Variants in SGSM2 observed in about 807,000 individuals in gnomAD.
SGSM2 encodes small G protein signaling modulator 2.
Under a neutral mutation model 126.6 loss-of-function variants are expected in SGSM2, and 89 were observed. The observed-to-expected ratio is 0.70, with a 90% confidence interval of 0.59 to 0.84. SGSM2 has a LOEUF of 0.84. Among genes scored for constraint, SGSM2 ranks in the 40% least tolerant of loss-of-function variants. The pLI, the probability that SGSM2 is intolerant of heterozygous loss-of-function variation, is 0.00. For missense variants in SGSM2, 1,404 were observed against 1,416.6 expected, an observed-to-expected ratio of 0.99 and a Z score of 0.14; for synonymous variants, 614 against 574.3, an observed-to-expected ratio of 1.07 and a Z score of -0.99.
At chr17:2,358,876 T>G (rs12943056) in intron 2 of SGSM2, among the ~76,000 whole-genome samples, 273 of 87,732 alleles carry the variant, frequency 3.1e-3, no homozygotes, top group African/African-American at 9.6e-3. Flanking sequence ...TGTTGTTGTT[T>G]TTTTTTTTTT....
rs1453821704 is a variant in SGSM2, at chr17:2,379,081, C to T, written c.2945C>T (p.Ala982Val). 1 of 1,614,236 alleles carries T rather than the reference C, an allele frequency of 6.2e-7. No homozygotes were observed. Among genetic ancestry groups the T allele is most frequent in the South Asian group, 1.1e-5 (1 of 91,090 alleles). ...DVFAVWEVIW[A>V]ARHISSEHFV... ...TTTGCTGTGTGGGAGGTGATCTGGG[C>T]AGCCAGGCACATCTCATCGGAGCAC... The change falls in exon 23 of 24, where the codon GCA (alanine) becomes GTA (valine). Residue 982 changes from alanine to valine, a missense_variant. Ala to Val is a moderately conservative substitution (Grantham distance 64, BLOSUM62 0). Coordinates refer to ENST00000268989, the MANE Select transcript of SGSM2 (RefSeq NM_014853.3).
rs2064141669 is a variant in SGSM2, at chr17:2,337,754, G to T, written c.57+9G>T. 6.5e-7 allele frequency: 1 copy of T among 1,527,722 alleles called. No homozygotes were observed. The allele number at this position is 1,527,722 out of a possible 1,614,324, so 94.6% of individuals were successfully genotyped here. ...GGAACGTGAAGAAGGAGGTAAAGTC[G>T]AGTCAAGAACCCCGGGGGGCTCGCG... is the stretch of plus-strand genomic sequence containing the variant. On this transcript the variant is annotated intron_variant, in intron 1 of 23. Coordinates refer to ENST00000268989, the MANE Select transcript of SGSM2 (RefSeq NM_014853.3). The surrounding 1 kb of genome is among the most constrained non-coding windows in gnomAD (Gnocchi z 5.1).
intron 17 of SGSM2, chr17:2,374,232 TAC>T (rs1292954776): frequency 6.6e-6 from 1 of 152,268 alleles, no homozygotes; most frequent in Non-Finnish European, 1.5e-5. Context: ...GTATTCTTGT[TAC>T]TTTACTAAAT....
chr17:2,343,305 G>C (rs917805150), intron 1 of SGSM2, among the ~76,000 whole-genome samples: 1 of 152,114 alleles, frequency 6.6e-6, no homozygotes, highest in Non-Finnish European at 1.5e-5. Context: ...ACCTGGGCTG[G>C]AACATGCACT....
intron 1 of SGSM2, among the ~76,000 whole-genome samples, chr17:2,338,429 AT>A (rs2064187019): frequency 6.6e-6 from 1 of 152,064 alleles, no homozygotes; most frequent in African/African-American, 2.4e-5. Flanking sequence ...CCAAAAGCCC[AT>A]TTCCATTTCG....
At chr17:2,371,928 T>C (rs902270621) in intron 13 of SGSM2, 5 of 521,726 alleles carry the variant, frequency 9.6e-6, no homozygotes, top group African/African-American at 7.8e-5. Context: ...ATTTTTCACA[T>C]GAGGAAACGA....
rs201010271 is a variant in SGSM2, at chr17:2,362,160, C to T, written c.348C>T (p.Ser116=). 267 of 1,613,702 alleles carry T rather than the reference C, an allele frequency of 1.7e-4. 1 individual carries two copies. Among genetic ancestry groups the T allele is most frequent in the Non-Finnish European group, 1.2e-4 (146 of 1,179,992 alleles). The change falls in exon 4 of 24, where the codon AGC becomes AGT. Residue 116 remains serine, a synonymous_variant. Coordinates refer to ENST00000268989, the MANE Select transcript of SGSM2 (RefSeq NM_014853.3). This position sits in a 1 kb window ranked among gnomAD's most constrained non-coding sequence, Gnocchi z 4.9. ...CCCTGCGGAGACAGGGCTCAGCCAGCGGGAAGGCCCCGGCCCTCAGCCCTC... is the reference window on the plus strand; with the variant it reads ...CCCTGCGGAGACAGGGCTCAGCCAGTGGGAAGGCCCCGGCCCTCAGCCCTC... The part of the protein sequence containing the change: ...QEALRRQGSA[S]GKAPALSPQA...
At chr17:2,345,145 T>G (rs1024434582) in intron 2 of SGSM2, among the ~76,000 whole-genome samples, 3 of 151,962 alleles carry the variant, frequency 2.0e-5, no homozygotes, top group Non-Finnish European at 2.9e-5. Flanking sequence ...CATGCCAGTA[T>G]TATGATAAGC....
chr17:2,378,545 A>G (rs947425507), intron 22 of SGSM2, among the ~76,000 whole-genome samples: 4 of 151,982 alleles, frequency 2.6e-5, no homozygotes, highest in African/African-American at 9.7e-5. Flanking sequence ...AAAAAAAAAG[A>G]AAAGAAAAGA....
chr17:2,368,154 A>G (rs1283850821), intron 12 of SGSM2, among the ~76,000 whole-genome samples: 2 of 151,938 alleles, frequency 1.3e-5, no homozygotes, highest in Admixed American at 1.3e-4. Context: ...TGCCCTCATG[A>G]GTCTCAGGGT....
Position 2,377,029 on chromosome 17 carries a change from C to T in SGSM2, c.2763C>T (p.Ala921=). 1 of 1,613,824 alleles carries T rather than the reference C, an allele frequency of 6.2e-7. No homozygotes were observed. The highest frequency in any genetic ancestry group is 8.5e-7 in the Non-Finnish European group (1 of 1,179,896). The change falls in exon 21 of 24, where the codon GCC becomes GCT. Residue 921 remains alanine (A), a synonymous_variant. Transcript: ENST00000268989. ...RMSQNFPNGG[A]MDTHFANMRS... is the part of the protein sequence containing the mutation. The stretch of plus-strand genomic sequence containing the variant: ...GCCAGAACTTCCCCAACGGGGGTGC[C>T]ATGGACACCCACTTTGCCAACATGC...
In SGSM2 at chr17:2,376,188, G is replaced by T; in HGVS notation, c.2536G>T (p.Val846Leu). The T allele has an allele frequency of 6.2e-7, 1 of 1,614,106 alleles. No homozygotes were observed. Among genetic ancestry groups the T allele is most frequent in the Non-Finnish European group, 8.5e-7 (1 of 1,180,020 alleles). The change falls in exon 19 of 24, where the codon GTG becomes TTG. Residue 846 changes from valine to leucine, a missense_variant. Coordinates refer to ENST00000268989, the MANE Select transcript of SGSM2 (RefSeq NM_014853.3). The part of the protein sequence containing the change: ...ALNLHRIDKD[V>L]QRCDRNYWYF... ...AAACCTGCACCGCATAGACAAGGATGTGCAGAGGTGTGACCGCAACTACTG... is the reference window on the plus strand; with the variant it reads ...AAACCTGCACCGCATAGACAAGGATTTGCAGAGGTGTGACCGCAACTACTG...
At chr17:2,379,005 C>T (rs756697256) in intron 22 of SGSM2, 31 bp from the exon 23 acceptor site, 42 of 1,602,212 alleles carry the variant, frequency 2.6e-5, no homozygotes, top group South Asian at 1.2e-4. Context: ...GCGGCTAGGA[C>T]GGGTGAGCAG....
In SGSM2 at chr17:2,380,165, C is replaced by T. The variant is rs1242161036; in HGVS notation, c.*645C>T. On this transcript the variant is annotated 3_prime_UTR_variant, in exon 24 of 24. Coordinates refer to ENST00000268989, the MANE Select transcript of SGSM2 (RefSeq NM_014853.3). Reference sequence around the variant, plus strand: ...CAGCAGCACTGCCACTGCCTTTGGCCACCTGAGGTGACCCCCAGGCCTCCC... The same window carrying T: ...CAGCAGCACTGCCACTGCCTTTGGCTACCTGAGGTGACCCCCAGGCCTCCC... 5 of 1,488,990 alleles carry T rather than the reference C, an allele frequency of 3.4e-6. No individual in the cohort carries two copies. Among genetic ancestry groups the T allele is most frequent in the Non-Finnish European group, 4.5e-6 (5 of 1,120,094 alleles). 92.2% of individuals were successfully genotyped at this position (1,488,990 alleles called of 1,614,324 possible).
Position 2,373,897 on chromosome 17 carries a change from G to A in SGSM2, c.2100+384G>A, listed in dbSNP as rs755118409. The A allele has an allele frequency of 6.2e-5, 12 of 193,160 alleles. No individual in the cohort carries two copies. In the South Asian group the frequency reaches 1.0e-3, roughly 17 times the overall value. 12.0% of individuals were successfully genotyped at this position (193,160 alleles called of 1,614,324 possible). On this transcript the variant is annotated intron_variant, in intron 17 of 23. Coordinates refer to ENST00000268989, the MANE Select transcript of SGSM2 (RefSeq NM_014853.3). The stretch of plus-strand genomic sequence containing the variant: ...TCTGGGCAAGCACTTCCCGTCTCTG[G>A]GTCTCAGTTTCCCCTCTCCACCCAT...
intron 12 of SGSM2, among the ~76,000 whole-genome samples, chr17:2,370,580 C>T (rs1021011432): frequency 6.6e-6 from 1 of 152,246 alleles, no homozygotes; most frequent in Admixed American, 6.5e-5. Flanking sequence ...CTGGTGTTTT[C>T]GGGAGGCCAC....
Position 2,343,869 on chromosome 17 carries a change from G to C in SGSM2, c.133+249G>C, listed in dbSNP as rs570450455. On this transcript the variant is annotated intron_variant, in intron 2 of 23. Coordinates refer to ENST00000268989, the MANE Select transcript of SGSM2 (RefSeq NM_014853.3). ...AATTCTCACATTTTAGCATGTATCA[G>C]AGTCACCTGAAGGGCTTGGTAGAAC... Among the ~76,000 whole-genome samples, 3 of 152,310 alleles carry C rather than the reference G, an allele frequency of 2.0e-5. No homozygotes were observed. In the East Asian group the frequency reaches 5.8e-4, roughly 29 times the overall value.
chr17:2,376,116 G>A (rs763645222), intron 18 of SGSM2, 21 bp from the exon 19 acceptor site: 6 of 1,613,804 alleles, frequency 3.7e-6, no homozygotes, highest in Non-Finnish European at 5.1e-6. Context: ...TCTCATGCCT[G>A]AGGGCCCTCC....
chr17:2,363,502 A>G lies in SGSM2; in HGVS notation c.710A>G (p.Asp237Gly), dbSNP rs758125098. The change falls in exon 7 of 24, where the codon GAC becomes GGC. Residue 237 changes from aspartate (D) to glycine (G), a missense_variant. Physicochemically the swap from Asp to Gly is moderately conservative, Grantham distance 94. Transcript: ENST00000268989. The surrounding 1 kb of genome is among the most constrained non-coding windows in gnomAD (Gnocchi z 4.2). ...CACTCAAGCGGCAGCGCGTCGGAGG[A>G]CAGGCTGGCTGCCTGTGCCCGCGAG... The part of the protein sequence containing the change: ...KRHSSGSASE[D>G]RLAACARECV... 1 of 1,613,450 alleles carries G rather than the reference A, an allele frequency of 6.2e-7. No homozygotes were observed.
Sources: allele counts gnomAD v4.1 joint callset (sites outside exome capture counted in the v4.1 genomes callset), GRCh38; gene constraint gnomAD v4.1.1; non-coding constraint Gnocchi (gnomAD v3.1); transcripts MANE v1.5; gene names NCBI Gene and HGNC (gene_info 2026-07-23, HGNC 2026-07-21).